Variants in SCN1B observed in about 807,000 individuals in gnomAD.
The protein encoded by SCN1B is sodium channel regulatory subunit beta-1.
A neutral mutation model predicts 25.7 loss-of-function variants in SCN1B; 11 were observed. That is an observed-to-expected ratio of 0.43 (90% confidence interval 0.27 to 0.71). SCN1B has a LOEUF of 0.71. Ranked by LOEUF, SCN1B falls within the 30% of genes least tolerant of loss-of-function variation. SCN1B has a pLI of 0.21. For missense variants in SCN1B, 224 were observed against 291.5 expected (o/e 0.77, Z 1.69); for synonymous variants, 119 against 117.5 (o/e 1.01, Z -0.08).
At chr19:35,034,202 G>T in intron 3 of SCN1B, 1 of 1,529,034 alleles carries the variant, frequency 6.5e-7, no homozygotes, top group South Asian at 1.2e-5. Context: ...GGTTCTTACT[G>T]TTCGAGTAGC....
chr19:35,037,675 G>A (rs937930874), intron 3 of SCN1B: 1 of 151,898 alleles, frequency 6.6e-6, no homozygotes, highest in South Asian at 2.1e-4. Flanking sequence ...GCCAGGTGTA[G>A]TGGTTCATGC....
rs369588692 is a variant in SCN1B at position 35,033,964 on chromosome 19, C to T, written c.448+225C>T. 103 of 1,552,498 alleles carry T rather than the reference C, an allele frequency of 6.6e-5. 1 individual carries two copies. In the Middle Eastern group the frequency reaches 6.7e-4, roughly 10 times the overall value. ...TCAAAGCATGCCTGTCCCCCACAGA[C>T]GCTCCGGGTACAGAACCCAGCTCTG... On this transcript the variant is annotated intron_variant, in intron 3 of 5. Transcript: ENST00000262631.
In SCN1B at chr19:35,032,468, G is replaced by A; in HGVS notation, c.41-60G>A. On this transcript the variant is annotated intron_variant, in intron 1 of 5. Transcript: ENST00000262631. The surrounding 1 kb of genome is among the most constrained non-coding windows in gnomAD (Gnocchi z 4.3). The stretch of plus-strand genomic sequence containing the variant: ...GGGGGGAACAGATGGTTTGTGAGGG[G>A]TCTGGCATTGCTTAGGGCAATGGGT... 6.3e-7 allele frequency: 1 copy of A among 1,594,144 alleles called. No homozygotes were observed. Among genetic ancestry groups the A allele is most frequent in the South Asian group, 1.1e-5 (1 of 90,592 alleles).
rs1005312276 is a variant in SCN1B at position 35,032,541 on chromosome 19, C to T, written c.54C>T (p.Cys18=). ...VVGAALVSSA[C]GGCVEVDSET... is the part of the protein sequence containing the mutation. ...CTGTCCCCACAGTGTCCTCAGCCTG[C>T]GGGGGCTGCGTGGAGGTGGACTCGG... The change falls in exon 2 of 6, where the codon TGC becomes TGT. Residue 18 remains cysteine (C), a synonymous_variant. Transcript: ENST00000262631. The surrounding 1 kb of genome is among the most constrained non-coding windows in gnomAD (Gnocchi z 4.3). 12 of 1,613,642 alleles carry T rather than the reference C, an allele frequency of 7.4e-6. No homozygotes were observed. Among genetic ancestry groups the T allele is most frequent in the East Asian group, 2.2e-5 (1 of 44,894 alleles).
chr19:35,033,187 A>G (rs2064225203), intron 2 of SCN1B, among the ~76,000 whole-genome samples: 1 of 151,996 alleles, frequency 6.6e-6, no homozygotes, highest in Non-Finnish European at 1.5e-5. Context: ...TCTCTGCTGG[A>G]GGAGTGTGTC....
intron 3 of SCN1B, chr19:35,034,102 A>G: frequency 6.4e-7 from 1 of 1,551,658 alleles, no homozygotes; most frequent in Non-Finnish European, 8.7e-7. Context: ...GGTTTGAGCC[A>G]TTCTTCCATC....
intron 3 of SCN1B, chr19:35,035,242 C>G (rs2064240466): frequency 6.7e-6 from 1 of 149,530 alleles, no homozygotes; most frequent in Non-Finnish European, 1.5e-5. Flanking sequence ...GTGTTGTGTC[C>G]TCTGTACGCC....
rs1377343891 is a variant in SCN1B at position 35,031,284 on chromosome 19, G to A, written c.40+424G>A. The A allele has an allele frequency of 3.3e-5, 5 of 151,914 alleles. No individual in the cohort carries two copies. In the East Asian group the frequency reaches 7.9e-4, roughly 24 times the overall value. 9.4% of individuals were successfully genotyped at this position (151,914 alleles called of 1,614,324 possible). ...GGGGCGAGAGACAGAGAAGGACTCG[G>A]AGCGCACCGGAGTGGTCCGCTGGGA... On this transcript the variant is annotated intron_variant, in intron 1 of 5. Coordinates refer to ENST00000262631, the MANE Select transcript of SCN1B (RefSeq NM_001037.5).
At chr19:35,031,123 G>A (rs2064210896) in intron 1 of SCN1B, among the ~76,000 whole-genome samples, 1 of 151,340 alleles carries the variant, frequency 6.6e-6, no homozygotes, top group Admixed American at 6.6e-5. Context: ...GAGGAAACGC[G>A]GAGTCAGCTG....
In SCN1B at chr19:35,030,853, GGCACTGGGTGAGT is replaced by G; in HGVS notation, c.36_40+8del. 1.1e-6 allele frequency: 1 copy of G among 919,042 alleles called. No homozygotes were observed. Among genetic ancestry groups the G allele is most frequent in the Non-Finnish European group, 1.4e-6 (1 of 736,282 alleles). 56.9% of individuals were successfully genotyped at this position (919,042 alleles called of 1,614,324 possible). A position where few individuals can be genotyped will look rare whatever the true frequency, so the allele number is the denominator to read the frequency against. ...GGCTGCTGGCCTTAGTGGTCGGCGC[GGCACTGGGTGAGT>G]GCGCGGGGGGCGCGCGCGGCCGGGG... On this transcript the variant is annotated splice_donor_variant and splice_donor_5th_base_variant and coding_sequence_variant and intron_variant, in exon 1 of 6. Coordinates refer to ENST00000262631, the MANE Select transcript of SCN1B (RefSeq NM_001037.5). LOFTEE classifies it high-confidence loss of function.
chr19:35,039,952 G>T lies in SCN1B; in HGVS notation c.*161G>T, dbSNP rs2064276255. On this transcript the variant is annotated 3_prime_UTR_variant, in exon 6 of 6. Transcript: ENST00000262631. ...TGGGAGGGGGCAGGGGGCTTGGCTC[G>T]CACCCCCACTTTCGCCTCCTCCAGC... 5 of 573,248 alleles carry T rather than the reference G, an allele frequency of 8.7e-6. No homozygotes were observed. The South Asian group carries it at 1.0e-4, about 12-fold the overall frequency. The allele number at this position is 573,248 out of a possible 1,614,324, so 35.5% of individuals were successfully genotyped here.
intron 4 of SCN1B, 35 bp from the exon 5 acceptor site, chr19:35,039,600 A>G: frequency 6.2e-7 from 1 of 1,611,270 alleles, no homozygotes; most frequent in Non-Finnish European, 8.5e-7. Context: ...CGGTCTGATG[A>G]TGGGGTCACT....
chr19:35,038,702 A>G (rs1600370071), intron 3 of SCN1B: 1 of 312,416 alleles, frequency 3.2e-6, no homozygotes, highest in Non-Finnish European at 6.3e-6. Flanking sequence ...ATCAAGCACT[A>G]TTCTAAGGAT....
intron 3 of SCN1B, chr19:35,036,551 G>A (rs2064248940): frequency 6.6e-6 from 1 of 151,814 alleles, no homozygotes; most frequent in African/African-American, 2.4e-5. Context: ...TTCTGCCTCA[G>A]CCTCCCAAGT....
chr19:35,039,080 C>A (rs549821957), intron 3 of SCN1B, 37 bp from the exon 4 acceptor site: 1 of 1,613,520 alleles, frequency 6.2e-7, no homozygotes, highest in East Asian at 2.2e-5. Flanking sequence ...TGTCATGCAG[C>A]CTGGGCTACC....
At chr19:35,031,020 GGGCTT>G (rs2064210139) in intron 1 of SCN1B, among the ~76,000 whole-genome samples, 160 bp downstream of exon 1, 1 of 151,950 alleles carries the variant, frequency 6.6e-6, no homozygotes, top group African/African-American at 2.4e-5. Context: ...CGCGGGAGCC[GGGCTT>G]GGGGAGGGCA....
intron 3 of SCN1B, 38 bp downstream of exon 3, chr19:35,033,777 C>T (rs1378573581): frequency 6.2e-6 from 10 of 1,613,806 alleles, no homozygotes; most frequent in African/African-American, 1.3e-5. Flanking sequence ...CCGTCACCCA[C>T]CGGAGAGCCA....
At position 35,030,843 on chromosome 19, in the gene SCN1B, T is replaced by A; in HGVS notation, c.23T>A (p.Val8Glu). The change falls in exon 1 of 6, where the codon GTG becomes GAG. Residue 8 changes from valine to glutamate, a missense_variant. Physicochemically the swap from Val to Glu is moderately radical, Grantham distance 121. This residue lies in a region of SCN1B where 46 missense variants were observed against 35.8 expected (regional missense o/e 1.29). Coordinates refer to ENST00000262631, the MANE Select transcript of SCN1B (RefSeq NM_001037.5). Reference sequence around the variant, plus strand: ...GCCATGGGGAGGCTGCTGGCCTTAGTGGTCGGCGCGGCACTGGGTGAGTGC... The same window carrying A: ...GCCATGGGGAGGCTGCTGGCCTTAGAGGTCGGCGCGGCACTGGGTGAGTGC... MGRLLAL[V>E]VGAALVSSAC... The A allele has an allele frequency of 2.0e-6, 2 of 1,007,128 alleles. No individual in the cohort carries two copies. Among genetic ancestry groups the A allele is most frequent in the Non-Finnish European group, 2.5e-6 (2 of 805,628 alleles). 62.4% of individuals were successfully genotyped at this position (1,007,128 alleles called of 1,614,324 possible). A position where few individuals can be genotyped will look rare whatever the true frequency, so the allele number is the denominator to read the frequency against.
chr19:35,033,877 G>C, intron 3 of SCN1B, 138 bp downstream of exon 3: 2 of 1,604,470 alleles, frequency 1.2e-6, no homozygotes, highest in Non-Finnish European at 1.7e-6. Context: ...TGAGGGGGAG[G>C]GGAGCAGCCC....
Sources: allele counts gnomAD v4.1 joint callset (sites outside exome capture counted in the v4.1 genomes callset), GRCh38; gene constraint gnomAD v4.1.1; regional missense constraint gnomAD v4.1.1; non-coding constraint Gnocchi (gnomAD v3.1); transcripts MANE v1.5; gene names NCBI Gene and HGNC (gene_info 2026-07-23, HGNC 2026-07-21).